Variants in PLCB4 observed in about 807,000 individuals in gnomAD.
The protein encoded by PLCB4 is phospholipase C beta 4.
Under a neutral mutation model 178.8 loss-of-function variants are expected in PLCB4, and 77 were observed. The ratio of observed to expected loss-of-function variants is 0.43; its 90% CI spans 0.36 to 0.52. PLCB4 has a LOEUF of 0.52. Ranked by LOEUF, PLCB4 falls within the 20% of genes least tolerant of loss-of-function variation. PLCB4 has a pLI of 0.00. For synonymous variants in PLCB4, 496 were observed against 490.8 expected (o/e 1.01, Z -0.14); for missense variants, 1,024 against 1,453.4 (o/e 0.70, Z 4.80).
rs759458106 is a variant in PLCB4 at position 9,421,362 on chromosome 20, G to A, written c.2220G>A (p.Gly740=). The A allele has an allele frequency of 6.2e-7, 1 of 1,612,798 alleles. No individual in the cohort carries two copies. Among genetic ancestry groups the A allele is most frequent in the East Asian group, 2.2e-5 (1 of 44,870 alleles). ...IGTYVEVDMY[G]LPTDTIRKEF... The stretch of plus-strand genomic sequence containing the variant: ...CCTACGTAGAGGTGGATATGTATGG[G>A]TTGCCCACTGACACCATACGTAAGG... Residue 740 remains glycine (G), a synonymous_variant, in exon 27 of 40, where the codon GGG becomes GGA. Transcript: ENST00000378473.
chr20:9,479,332 G>A lies in PLCB4; in HGVS notation c.*323G>A, dbSNP rs1319558467. ...GGTGTGAACAACTCTCCTTTGTGATGCCTTAGGACATGTTTGAACTGCAGC... is the reference window on the plus strand; with the variant it reads ...GGTGTGAACAACTCTCCTTTGTGATACCTTAGGACATGTTTGAACTGCAGC... On this transcript the variant is annotated 3_prime_UTR_variant, in exon 40 of 40. Coordinates refer to ENST00000378473, the MANE Select transcript of PLCB4 (RefSeq NM_001377142.1). The A allele has an allele frequency of 3.5e-6, 1 of 283,144 alleles. No individual in the cohort carries two copies. Among genetic ancestry groups the A allele is most frequent in the African/African-American group, 2.2e-5 (1 of 45,280 alleles). The allele number at this position is 283,144 out of a possible 1,614,324, so 17.5% of individuals were successfully genotyped here.
chr20:9,372,032 G>A (rs1057116414), intron 10 of PLCB4, among the ~76,000 whole-genome samples: 1 of 152,138 alleles, frequency 6.6e-6, no homozygotes, highest in Non-Finnish European at 1.5e-5. Flanking sequence ...GTTCTTTGGG[G>A]TATTTCCCAG....
chr20:9,415,551 C>T (rs755550386), intron 25 of PLCB4, among the ~76,000 whole-genome samples: 46 of 152,294 alleles, frequency 3.0e-4, no homozygotes, highest in Admixed American at 5.9e-4. Flanking sequence ...TTCTTCTCTC[C>T]CTCGCTTGCC....
intron 3 of PLCB4, among the ~76,000 whole-genome samples, chr20:9,305,615 T>C (rs1029804768): frequency 4.6e-5 from 7 of 152,194 alleles, no homozygotes; most frequent in African/African-American, 1.4e-4. Context: ...CTTAACATTA[T>C]TTCCCATCTC....
At chr20:9,219,849 T>C (rs945291848) in intron 3 of PLCB4, among the ~76,000 whole-genome samples, 2 of 152,226 alleles carry the variant, frequency 1.3e-5, no homozygotes, top group Non-Finnish European at 2.9e-5. Flanking sequence ...CCTGCTTTAC[T>C]TCCCCACACT....
intron 2 of PLCB4, among the ~76,000 whole-genome samples, chr20:9,206,537 C>A (rs1208151197): frequency 2.0e-5 from 3 of 152,110 alleles, no homozygotes; most frequent in Non-Finnish European, 4.4e-5. Context: ...AAGAAACCAG[C>A]TCAGTTAGCT....
At chr20:9,356,234 T>G (rs1007831755) in intron 7 of PLCB4, among the ~76,000 whole-genome samples, 53 of 152,090 alleles carry the variant, frequency 3.5e-4, no homozygotes, top group Non-Finnish European at 4.7e-4. Flanking sequence ...TTTCTCCCAT[T>G]TTGTAGGTTG....
intron 2 of PLCB4, among the ~76,000 whole-genome samples, chr20:9,192,069 G>A (rs1481104652): frequency 6.6e-6 from 1 of 152,046 alleles, no homozygotes; most frequent in Non-Finnish European, 1.5e-5. Flanking sequence ...TCTAAAAGCA[G>A]GTTCCCTATC....
In PLCB4 at chr20:9,393,595, C is replaced by T. The variant is rs1001930761; in HGVS notation, c.1331C>T (p.Pro444Leu). 7 of 1,606,116 alleles carry T rather than the reference C, an allele frequency of 4.4e-6. No individual in the cohort carries two copies. The highest frequency in any genetic ancestry group is 6.0e-6 in the Non-Finnish European group (7 of 1,172,928). ...KQALESHPLE[P>L]GRALPSPNDL... ...CTTTCTGTTTCTCTCTAGCTTGAAC[C>T]AGGCAGGGCTTTGCCATCCCCCAAT... The change falls in exon 18 of 40, where the codon CCA becomes CTA. Residue 444 changes from proline to leucine, a missense_variant. By Grantham distance (98) the Pro-to-Leu change is moderately conservative. Coordinates refer to ENST00000378473, the MANE Select transcript of PLCB4 (RefSeq NM_001377142.1).
intron 2 of PLCB4, among the ~76,000 whole-genome samples, chr20:9,097,154 C>T (rs950147012): frequency 1.3e-5 from 2 of 150,854 alleles, no homozygotes; most frequent in Non-Finnish European, 1.5e-5. Context: ...AGGCTGATCT[C>T]GAACTCCTCA....
At chr20:9,453,756 G>GA (rs1028169627) in intron 33 of PLCB4, among the ~76,000 whole-genome samples, 1 of 151,928 alleles carries the variant, frequency 6.6e-6, no homozygotes, top group Non-Finnish European at 1.5e-5. Context: ...TCAAATAATT[G>GA]AAAAAATACC....
At chr20:9,436,629 C>G (rs1260883801) in intron 29 of PLCB4, among the ~76,000 whole-genome samples, 2 of 152,248 alleles carry the variant, frequency 1.3e-5, no homozygotes, top group African/African-American at 4.8e-5. Flanking sequence ...ATTGAAATTA[C>G]TGGCGTGAGC....
At chr20:9,204,773 C>T (rs2093596397) in intron 2 of PLCB4, among the ~76,000 whole-genome samples, 1 of 152,008 alleles carries the variant, frequency 6.6e-6, no homozygotes, top group Non-Finnish European at 1.5e-5. Context: ...GTATATTAGG[C>T]TTAAAGAACT....
At chr20:9,208,089 G>T (rs976616420) in intron 2 of PLCB4, among the ~76,000 whole-genome samples, 1 of 152,142 alleles carries the variant, frequency 6.6e-6, no homozygotes, top group Admixed American at 6.5e-5. Flanking sequence ...CCACCATCTT[G>T]TGCTGTATAA....
At chr20:9,387,329 A>G in intron 14 of PLCB4, 134 bp from the exon 15 acceptor site, 1 of 555,540 alleles carries the variant, frequency 1.8e-6, no homozygotes, top group Non-Finnish European at 3.2e-6. Context: ...ATATGCCATG[A>G]AATAATCAGG....
intron 21 of PLCB4, 83 bp downstream of exon 21, chr20:9,405,431 A>G (rs2039365331): frequency 1.3e-6 from 1 of 792,216 alleles, no homozygotes; most frequent in South Asian, 1.8e-5. Flanking sequence ...AGTTGTGGTG[A>G]AAAAATGATT....
At chr20:9,109,802 A>G (rs1358026244) in intron 2 of PLCB4, among the ~76,000 whole-genome samples, 1 of 152,164 alleles carries the variant, frequency 6.6e-6, no homozygotes. Context: ...CATTGTCTTA[A>G]TTAACTCAGG....
At chr20:9,477,745 A>G (rs962866214) in intron 39 of PLCB4, among the ~76,000 whole-genome samples, 1 of 152,148 alleles carries the variant, frequency 6.6e-6, no homozygotes, top group African/African-American at 2.4e-5. Flanking sequence ...ATCCATCCTC[A>G]CCAAAATGAA....
chr20:9,199,393 C>T (rs577706023), intron 2 of PLCB4, among the ~76,000 whole-genome samples: 6 of 152,132 alleles, frequency 3.9e-5, no homozygotes, highest in Non-Finnish European at 8.8e-5. Flanking sequence ...GTAGAAACCC[C>T]ATGTTAGATA....
Sources: gnomAD v4.1 joint callset for allele counts (sites outside exome capture counted in the v4.1 genomes callset) on GRCh38, gnomAD v4.1.1 for gene constraint, MANE v1.5 for transcripts, NCBI Gene and HGNC (gene_info 2026-07-23, HGNC 2026-07-21) for gene names.